MDN1: variants seen among roughly 807,000 people sequenced by gnomAD.
MDN1 encodes the protein midasin.
In MDN1, 266 loss-of-function variants were observed where a neutral mutation model predicts 669.2. That is an observed-to-expected ratio of 0.40 (90% CI 0.36 to 0.44). The LOEUF is 0.44. Ranked by LOEUF, MDN1 falls within the 20% of genes least tolerant of loss-of-function variation. The probability of loss-of-function intolerance (pLI) is 1.00; values close to 1 mark genes in which losing one functional copy is unlikely to be tolerated. For missense variants in MDN1, 5,940 were observed against 6,754.0 expected, an observed-to-expected ratio of 0.88 and a Z score of 4.22; for synonymous variants, 2,385 against 2,457.1, an observed-to-expected ratio of 0.97 and a Z score of 0.87.
In MDN1 at chr6:89,699,014, AT is replaced by A; in HGVS notation, c.9018del (p.Ser3007LeufsTer19). The A allele has an allele frequency of 6.2e-7, 1 of 1,613,480 alleles. No individual in the cohort carries two copies. The highest frequency in any genetic ancestry group is 8.5e-7 in the Non-Finnish European group (1 of 1,179,674). On this transcript the variant is annotated frameshift_variant, in exon 59 of 102. Coordinates refer to ENST00000369393, the MANE Select transcript of MDN1 (RefSeq NM_014611.3). LOFTEE classifies it high-confidence loss of function. ...HHQKVSPEEI[T>X]SLWSELFNSM... The stretch of plus-strand genomic sequence containing the variant: ...GAATTAAATAACTCGGACCACAAAG[AT>A]GTAATTTCTTCAGGAGACACCTAGA...
chr6:89,768,743 A>G (rs567992231), intron 15 of MDN1, among the ~76,000 whole-genome samples: 2 of 152,096 alleles, frequency 1.3e-5, no homozygotes, highest in South Asian at 2.1e-4. Flanking sequence ...TCCCCCCCCA[A>G]AAAAAGAGTT....
chr6:89,673,439 G>T lies in MDN1; in HGVS notation c.13271C>A (p.Ser4424Tyr). Reference sequence around the variant, plus strand: ...CACCTGGGACAAGCAACTCAGCGCAGAAGAGCAAACTTCAAAATCTTTCCT... The same window carrying T: ...CACCTGGGACAAGCAACTCAGCGCATAAGAGCAAACTTCAAAATCTTTCCT... ...HSWKDFEVCS[S>Y]ALSCLSQVSV... is the part of the protein sequence containing the mutation. Residue 4424 changes from serine (S) to tyrosine (Y), a missense_variant, in exon 80 of 102, where the codon TCT (serine) becomes TAT (tyrosine). Ser to Tyr is a moderately radical substitution (Grantham distance 144, BLOSUM62 -2). Around this residue, in one of 5 missense-constraint regions of MDN1, gnomAD observed 2,280 missense variants for 2,576.3 expected, o/e 0.88. Coordinates refer to ENST00000369393, the MANE Select transcript of MDN1 (RefSeq NM_014611.3). 6.2e-7 allele frequency: 1 copy of T among 1,614,162 alleles called. No homozygotes were observed. The highest frequency in any genetic ancestry group is 8.5e-7 in the Non-Finnish European group (1 of 1,180,006).
In MDN1 at chr6:89,677,658, T is replaced by C. The variant is rs1173354471; in HGVS notation, c.12451A>G (p.Lys4151Glu). The change falls in exon 76 of 102, where the codon AAA (lysine) becomes GAA (glutamate). Residue 4151 changes from lysine to glutamate, a missense_variant. By Grantham distance (56) the Lys-to-Glu change is moderately conservative. Around this residue, in one of 5 missense-constraint regions of MDN1, gnomAD observed 2,280 missense variants for 2,576.3 expected, o/e 0.88. Transcript: ENST00000369393. ...YRKGLAWARS[K>E]NPQEMLHLHP... ...AGATGAAGCATCTCTTGAGGGTTTT[T>C]TGAACGGGCCCAAGCAAGACCTTTG... 1.2e-6 allele frequency: 2 copies of C among 1,614,184 alleles called. No homozygotes were observed. Among genetic ancestry groups the C allele is most frequent in the Non-Finnish European group, 1.7e-6 (2 of 1,180,026 alleles).
rs1268363764 is a variant in MDN1 at position 89,727,933 on chromosome 6, G to A, written c.5372C>T (p.Ala1791Val). 3.1e-6 allele frequency: 5 copies of A among 1,613,616 alleles called. No homozygotes were observed. The highest frequency in any genetic ancestry group is 4.5e-5 in the East Asian group (2 of 44,888). ...EQTDITDLFG[A>V]DLPVEGGKGG... ...CTTGCCACCTTCAACAGGTAGATCTGCTCCAAACAGGTCTGTGATGTCCTT... is the reference window on the plus strand; with the variant it reads ...CTTGCCACCTTCAACAGGTAGATCTACTCCAAACAGGTCTGTGATGTCCTT... The change falls in exon 37 of 102, where the codon GCA becomes GTA. Residue 1791 changes from alanine (A) to valine (V), a missense_variant. By Grantham distance (64) the Ala-to-Val change is moderately conservative (BLOSUM62 0). Transcript: ENST00000369393.
intron 2 of MDN1, among the ~76,000 whole-genome samples, chr6:89,796,779 A>C (rs1819632733): frequency 6.6e-6 from 1 of 152,108 alleles, no homozygotes; most frequent in Admixed American, 6.6e-5. Flanking sequence ...ATTTTATAAA[A>C]ATTTCTGGGC....
In MDN1 at chr6:89,655,785, C is replaced by A; in HGVS notation, c.15469G>T (p.Ala5157Ser). The change falls in exon 92 of 102, where the codon GCA (alanine) becomes TCA (serine). Residue 5157 changes from alanine (A) to serine (S), a missense_variant. By Grantham distance (99) the Ala-to-Ser change is moderately conservative. This residue lies in a region of MDN1 where 2,280 missense variants were observed against 2,576.3 expected (regional missense o/e 0.88). Transcript: ENST00000369393. ...AFEHIKQGSDAYDAQTYDVAS... is the reference protein window; with the variant it reads ...AFEHIKQGSDSYDAQTYDVAS... ...GTACCATAGGTCTGTGCATCGTATG[C>A]GTCACTGCCTTGTTTAATGTGCTCG... 1 of 1,610,508 alleles carries A rather than the reference C, an allele frequency of 6.2e-7. No individual in the cohort carries two copies. The highest frequency in any genetic ancestry group is 8.5e-7 in the Non-Finnish European group (1 of 1,178,476).
intron 71 of MDN1, among the ~76,000 whole-genome samples, chr6:89,684,544 T>C (rs986943612): frequency 1.3e-4 from 19 of 151,918 alleles, no homozygotes; most frequent in African/African-American, 4.3e-4. Context: ...CCTTCCCCCA[T>C]GGTAATTCAG....
At position 89,672,610 on chromosome 6, in the gene MDN1, C is replaced by T; in HGVS notation, c.13567G>A (p.Glu4523Lys). 12 of 1,614,140 alleles carry T rather than the reference C, an allele frequency of 7.4e-6. No individual in the cohort carries two copies. Among genetic ancestry groups the T allele is most frequent in the Non-Finnish European group, 9.3e-6 (11 of 1,180,030 alleles). Residue 4523 changes from glutamate (E) to lysine (K), a missense_variant, in exon 81 of 102, where the codon GAA (glutamate) becomes AAA (lysine). This residue lies in a region of MDN1 where 2,280 missense variants were observed against 2,576.3 expected (regional missense o/e 0.88). Transcript: ENST00000369393. ...TCTGCTTTTTCATTCTTTCTTTCTT[C>T]TAAGTTCTGGATGGCACAGAGGATG... ...RAILCAIQNL[E>K]ERKNEKAEEN...
chr6:89,697,506 C>T (rs1234477186), intron 59 of MDN1, among the ~76,000 whole-genome samples: 1 of 151,638 alleles, frequency 6.6e-6, no homozygotes, highest in East Asian at 1.9e-4. Flanking sequence ...AATATACTTC[C>T]AACTCATATT....
At position 89,743,437 on chromosome 6, in the gene MDN1, G is replaced by A. The variant is rs890130472; in HGVS notation, c.4317+139C>T. 1.6e-5 allele frequency: 22 copies of A among 1,336,280 alleles called. No individual in the cohort carries two copies. The African/African-American group carries it at 2.6e-4, about 16-fold the overall frequency. The allele number at this position is 1,336,280 out of a possible 1,614,324, so 82.8% of individuals were successfully genotyped here. ...ACTTGCACACCAGAATGCTTGTGAAGGCCCTTGTAGACCAGAGAAAATCTG... is the reference window on the plus strand; with the variant it reads ...ACTTGCACACCAGAATGCTTGTGAAAGCCCTTGTAGACCAGAGAAAATCTG... On this transcript the variant is annotated intron_variant, in intron 30 of 101. Transcript: ENST00000369393.
chr6:89,654,853 TATC>T (rs1809140779), intron 92 of MDN1, among the ~76,000 whole-genome samples: 1 of 152,122 alleles, frequency 6.6e-6, no homozygotes, highest in African/African-American at 2.4e-5. Flanking sequence ...CACAAATACA[TATC>T]ATTATTATAG....
At chr6:89,699,579 T>G in intron 58 of MDN1, 22 bp downstream of exon 58, 13 of 1,602,480 alleles carry the variant, frequency 8.1e-6, no homozygotes, top group Non-Finnish European at 1.1e-5. Flanking sequence ...AAAGGAGGCT[T>G]ATGTCTTATT....
At chr6:89,815,981 T>G (rs910451980) in intron 1 of MDN1, among the ~76,000 whole-genome samples, 2 of 152,230 alleles carry the variant, frequency 1.3e-5, no homozygotes, top group Non-Finnish European at 2.9e-5. Context: ...GGGGTAGCCC[T>G]GTTCAAGAGC....
chr6:89,679,090 C>A (rs1240726223), intron 74 of MDN1, among the ~76,000 whole-genome samples: 1 of 152,186 alleles, frequency 6.6e-6, no homozygotes, highest in Non-Finnish European at 1.5e-5. Flanking sequence ...GTGCATTATA[C>A]TAGAAATTTA....
intron 2 of MDN1, among the ~76,000 whole-genome samples, chr6:89,801,917 G>C (rs113380122): frequency 6.6e-6 from 1 of 150,638 alleles, no homozygotes; most frequent in Non-Finnish European, 1.5e-5. Context: ...AGGTGAGATC[G>C]TGCCACTGCA....
Position 89,713,313 on chromosome 6 carries a change from G to T in MDN1, c.7070-17C>A. 1 of 1,598,576 alleles carries T rather than the reference G, an allele frequency of 6.3e-7. No individual in the cohort carries two copies. The highest frequency in any genetic ancestry group is 8.5e-7 in the Non-Finnish European group (1 of 1,172,396). On this transcript the variant is annotated splice_polypyrimidine_tract_variant and intron_variant, in intron 46 of 101. Coordinates refer to ENST00000369393, the MANE Select transcript of MDN1 (RefSeq NM_014611.3). ...TTGGAGAACCTATTAAAAAAAAATTGCCATCTATAAACAATAGAGTCTTTA... is the reference window on the plus strand; with the variant it reads ...TTGGAGAACCTATTAAAAAAAAATTTCCATCTATAAACAATAGAGTCTTTA...
chr6:89,780,293 C>T lies in MDN1; in HGVS notation c.1644G>A (p.Arg548=). The change falls in exon 11 of 102, where the codon AGG becomes AGA. Residue 548 remains arginine (R), a splice_region_variant and synonymous_variant. Coordinates refer to ENST00000369393, the MANE Select transcript of MDN1 (RefSeq NM_014611.3). The stretch of plus-strand genomic sequence containing the variant: ...TCCTATTACACCAATTCAGCAGATC[C>T]CTTTAAAAAAAAGAAAGAAAAGAAA... ...PTLEGRELSL[R]DLLNWCNRIA... is the part of the protein sequence containing the mutation. The T allele has an allele frequency of 6.5e-7, 1 of 1,549,558 alleles. No individual in the cohort carries two copies. The highest frequency in any genetic ancestry group is 8.7e-7 in the Non-Finnish European group (1 of 1,150,102).
rs202108256 is a variant in MDN1, at chr6:89,725,205, G to A, written c.5664C>T (p.Phe1888=). The A allele has an allele frequency of 5.5e-4, 884 of 1,613,874 alleles. 9 individuals are homozygous for A. In the South Asian group the frequency reaches 9.1e-3, roughly 17 times the overall value. ...KGLPRSFLNR[F]TQVFVDPLTV... is the part of the protein sequence containing the mutation. ...TGGCAACAGCAAATCTTACCTGAGTGAATCTGTTAAGGAAAGACCTGGGCA... is the reference window on the plus strand; with the variant it reads ...TGGCAACAGCAAATCTTACCTGAGTAAATCTGTTAAGGAAAGACCTGGGCA... The change falls in exon 38 of 102, where the codon TTC becomes TTT. Residue 1888 remains phenylalanine, a synonymous_variant. Coordinates refer to ENST00000369393, the MANE Select transcript of MDN1 (RefSeq NM_014611.3).
chr6:89,803,266 C>A, intron 2 of MDN1, 62 bp downstream of exon 2: 1 of 1,406,922 alleles, frequency 7.1e-7, no homozygotes, highest in South Asian at 1.2e-5. Flanking sequence ...TCCCTTACAT[C>A]CCAGGAGACA....
Sources: allele counts gnomAD v4.1 joint callset (sites outside exome capture counted in the v4.1 genomes callset), GRCh38; gene constraint gnomAD v4.1.1; regional missense constraint gnomAD v4.1.1; transcripts MANE v1.5; gene names NCBI Gene and HGNC (gene_info 2026-07-23, HGNC 2026-07-21).